The following MCUR1 variants were observed in gnomAD, a reference collection of about 807,000 sequenced individuals.
MCUR1 encodes the protein MCU regulator 1.
MCUR1 carries 37 observed loss-of-function variants against 42.0 expected under a neutral mutation model. That is an observed-to-expected ratio of 0.88 (90% confidence interval 0.68 to 1.16). MCUR1 has a LOEUF of 1.16. MCUR1 is among the 50% of genes most tolerant of loss of function. The pLI, the probability that MCUR1 is intolerant of heterozygous loss-of-function variation, is 0.00. For synonymous variants in MCUR1, 229 were observed against 196.2 expected (o/e 1.17, Z -1.40); for missense variants, 469 against 468.4 (o/e 1.00, Z -0.01).
At chr6:13,811,928 T>C (rs1584991958) in intron 1 of MCUR1, among the ~76,000 whole-genome samples, 1 of 152,070 alleles carries the variant, frequency 6.6e-6, no homozygotes. Flanking sequence ...TTCCAAGAAA[T>C]CCTGCCTCTG....
intron 1 of MCUR1, among the ~76,000 whole-genome samples, chr6:13,811,769 C>T (rs976008220): frequency 6.6e-6 from 1 of 152,130 alleles, no homozygotes; most frequent in Non-Finnish European, 1.5e-5. Flanking sequence ...AATAATCATT[C>T]ATGTATTTAA....
intron 2 of MCUR1, among the ~76,000 whole-genome samples, chr6:13,805,937 G>A (rs962522719): frequency 3.3e-5 from 5 of 152,034 alleles, no homozygotes; most frequent in Non-Finnish European, 7.4e-5. Flanking sequence ...CAGCAATAAC[G>A]AAGAATGTTA....
chr6:13,797,869 T>C (rs981685320), intron 6 of MCUR1, among the ~76,000 whole-genome samples: 3 of 150,066 alleles, frequency 2.0e-5, no homozygotes, highest in Non-Finnish European at 4.4e-5. Flanking sequence ...ACTAAAAATA[T>C]AAAAACTAGC....
rs762174631 is a variant in MCUR1, at chr6:13,788,836, A to G, written c.*1973T>C. ...GCTCATGCAAAAGTACTTGATTTTC[A>G]TACTATATGGAGCTCACAATCTTTG... On this transcript the variant is annotated 3_prime_UTR_variant, in exon 9 of 9. Transcript: ENST00000379170. The G allele has an allele frequency of 2.0e-5, 3 of 152,250 alleles. No homozygotes were observed. Among genetic ancestry groups the G allele is most frequent in the South Asian group, 4.1e-4 (2 of 4,832 alleles). 9.4% of individuals were successfully genotyped at this position (152,250 alleles called of 1,614,324 possible).
rs1584979529 is a variant in MCUR1 at position 13,786,926 on chromosome 6, A to G, written c.*3883T>C. The G allele has an allele frequency of 6.6e-6, 1 of 152,236 alleles. No individual in the cohort carries two copies. Among genetic ancestry groups the G allele is most frequent in the African/African-American group, 2.4e-5 (1 of 41,466 alleles). The allele number at this position is 152,236 out of a possible 1,614,324, so 9.4% of individuals were successfully genotyped here. A position where few individuals can be genotyped will look rare whatever the true frequency, so the allele number is the denominator to read the frequency against. ...AAACATTCTCAAATATTTTACATAC[A>G]TGAAGAATAAATTATTTCTGGTTAA... On this transcript the variant is annotated 3_prime_UTR_variant, in exon 9 of 9. Transcript: ENST00000379170.
chr6:13,809,952 C>T (rs6918488), intron 1 of MCUR1, among the ~76,000 whole-genome samples: 64 of 151,800 alleles, frequency 4.2e-4, no homozygotes, highest in African/African-American at 1.4e-3. Flanking sequence ...CGCCTGTAAT[C>T]CCAGCACTTT....
intron 5 of MCUR1, 98 bp from the exon 6 acceptor site, chr6:13,799,002 A>G (rs1306221556): frequency 2.8e-6 from 2 of 710,772 alleles, no homozygotes; most frequent in Non-Finnish European, 4.9e-6. Flanking sequence ...CACTGTCCCT[A>G]TCCTAGGCGA....
At chr6:13,811,286 C>T (rs1227932281) in intron 1 of MCUR1, among the ~76,000 whole-genome samples, 2 of 152,076 alleles carry the variant, frequency 1.3e-5, no homozygotes, top group African/African-American at 2.4e-5. Context: ...CAGTCTTGCT[C>T]ATTTTTTATC....
At chr6:13,809,307 T>C (rs1760179875) in intron 1 of MCUR1, among the ~76,000 whole-genome samples, 1 of 152,204 alleles carries the variant, frequency 6.6e-6, no homozygotes, top group Non-Finnish European at 1.5e-5. Flanking sequence ...ACATTGTACT[T>C]TTTATAAGTT....
At chr6:13,797,908 A>G (rs563031879) in intron 6 of MCUR1, among the ~76,000 whole-genome samples, 8 of 151,598 alleles carry the variant, frequency 5.3e-5, no homozygotes, top group Non-Finnish European at 7.4e-5. Flanking sequence ...CTGTAATCCC[A>G]GCTACTCGGG....
chr6:13,800,744 A>G (rs1383737464), intron 4 of MCUR1, among the ~76,000 whole-genome samples: 2 of 152,216 alleles, frequency 1.3e-5, no homozygotes, highest in Non-Finnish European at 2.9e-5. Flanking sequence ...GGTTTCTTAC[A>G]AGGCTAGGGT....
At chr6:13,806,777 A>AGAGCCT in intron 2 of MCUR1, 148 bp downstream of exon 2, 1 of 1,007,036 alleles carries the variant, frequency 9.9e-7, no homozygotes, top group Non-Finnish European at 1.4e-6. Context: ...TGACAGAGCC[A>AGAGCCT]GAGCCTGTCT....
intron 2 of MCUR1, among the ~76,000 whole-genome samples, chr6:13,804,631 A>G (rs1388619452): frequency 6.6e-6 from 1 of 151,650 alleles, no homozygotes; most frequent in African/African-American, 2.4e-5. Flanking sequence ...AAAATTAGCC[A>G]GGCGTTGTGG....
Position 13,790,335 on chromosome 6 carries a change from T to C in MCUR1, c.*474A>G, listed in dbSNP as rs781774281. 1.3e-5 allele frequency: 2 copies of C among 155,078 alleles called. No homozygotes were observed. The highest frequency in any genetic ancestry group is 4.8e-5 in the African/African-American group (2 of 41,494). The allele number at this position is 155,078 out of a possible 1,614,324, so 9.6% of individuals were successfully genotyped here. ...GCAGAAAGGAGATAAGGAATGGCTA[T>C]GGAATACCTGACTTCTTTATCTTGG... On this transcript the variant is annotated 3_prime_UTR_variant, in exon 9 of 9. Transcript: ENST00000379170.
chr6:13,788,958 T>C lies in MCUR1; in HGVS notation c.*1851A>G, dbSNP rs1759664331. ...AAAAGGTAACTATTTTTTTTACCAA[T>C]GTGGTTGGAACAGTGACAACGAGCA... On this transcript the variant is annotated 3_prime_UTR_variant, in exon 9 of 9. Transcript: ENST00000379170. The C allele has an allele frequency of 6.6e-6, 1 of 152,126 alleles. No individual in the cohort carries two copies. The highest frequency in any genetic ancestry group is 1.5e-5 in the Non-Finnish European group (1 of 68,014). The allele number at this position is 152,126 out of a possible 1,614,324, so 9.4% of individuals were successfully genotyped here.
chr6:13,812,272 C>G (rs1760253855), intron 1 of MCUR1, among the ~76,000 whole-genome samples: 1 of 152,058 alleles, frequency 6.6e-6, no homozygotes, highest in Non-Finnish European at 1.5e-5. Flanking sequence ...CCTCAGGCAC[C>G]AAGCAAACAA....
intron 1 of MCUR1, among the ~76,000 whole-genome samples, chr6:13,812,098 G>A (rs925149727): frequency 4.6e-5 from 7 of 152,146 alleles, no homozygotes; most frequent in Non-Finnish European, 1.0e-4. Flanking sequence ...ACTGAGCTGT[G>A]TCAACGTGTA....
intron 7 of MCUR1, among the ~76,000 whole-genome samples, 155 bp from the exon 8 acceptor site, chr6:13,792,147 C>T (rs765208350): frequency 2.0e-5 from 3 of 152,194 alleles, no homozygotes; most frequent in Non-Finnish European, 2.9e-5. Context: ...CCTAATTCTA[C>T]GCTGCATTGG....
At chr6:13,809,751 G>A (rs570277479) in intron 1 of MCUR1, among the ~76,000 whole-genome samples, 2 of 151,196 alleles carry the variant, frequency 1.3e-5, no homozygotes, top group South Asian at 2.1e-4. Context: ...AAAATTAGCC[G>A]AGTGTGGTGG....
Sources: gnomAD v4.1 joint callset for allele counts (sites outside exome capture counted in the v4.1 genomes callset) on GRCh38, gnomAD v4.1.1 for gene constraint, MANE v1.5 for transcripts, NCBI Gene and HGNC (gene_info 2026-07-23, HGNC 2026-07-21) for gene names.